CYP20A1: variants seen among roughly 807,000 people sequenced by gnomAD.
CYP20A1 encodes the protein cytochrome P450 family 20 subfamily A member 1.
Under a neutral mutation model 61.4 loss-of-function variants are expected in CYP20A1, and 61 were observed. The ratio of observed to expected loss-of-function variants is 0.99; its 90% CI spans 0.81 to 1.23. The LOEUF (loss-of-function observed/expected upper bound fraction) is 1.23, where lower values mean the gene tolerates loss of function less well. Among genes scored for constraint, CYP20A1 ranks in the 50% most tolerant of loss-of-function variants. CYP20A1 has a pLI of 0.00. For missense variants in CYP20A1, 530 were observed against 542.4 expected, an observed-to-expected ratio of 0.98 and a Z score of 0.23; for synonymous variants, 193 against 188.2, an observed-to-expected ratio of 1.03 and a Z score of -0.21.
intron 5 of CYP20A1, among the ~76,000 whole-genome samples, chr2:203,269,821 G>T (rs2067490118): frequency 6.6e-6 from 1 of 152,062 alleles, no homozygotes. Context: ...TAGAGATGGG[G>T]TTTCACCATG....
chr2:203,292,215 T>C (rs1482223605), intron 10 of CYP20A1, 47 bp from the exon 11 acceptor site: 1 of 1,318,030 alleles, frequency 7.6e-7, no homozygotes, highest in East Asian at 2.3e-5. Flanking sequence ...CTAGGAGTCA[T>C]TTTATCTCTG....
rs11304494 is a variant in CYP20A1 at position 203,305,194 on chromosome 2, C to CTTTTTTTTTTTTTTTTTTTTTTTTTTTT, written c.*8311_*8312insTTTTTTTTTTTTTTTTTTTTTTTTTTTT. Among the ~76,000 whole-genome samples, 2 of 56,896 alleles carry CTTTTTTTTTTTTTTTTTTTTTTTTTTTT rather than the reference C, an allele frequency of 3.5e-5. 1 individual carries two copies. 37.3% of individuals were successfully genotyped at this position (56,896 alleles called of 152,430 possible). ...AATTGGTTTACAGTTCGGTGGCTGT[C>CTTTTTTTTTTTTTTTTTTTTTTTTTTTT]TTTTTTTTTTTTTTTTTTTTTTTTT... On this transcript the variant is annotated 3_prime_UTR_variant, in exon 13 of 13. Coordinates refer to ENST00000356079, the MANE Select transcript of CYP20A1 (RefSeq NM_177538.3).
At position 203,305,092 on chromosome 2, in the gene CYP20A1, G is replaced by A. The variant is rs1422324015; in HGVS notation, c.*8184G>A. 3.3e-5 allele frequency among the ~76,000 whole-genome samples: 5 copies of A among 151,270 alleles called. No individual in the cohort carries two copies. The highest frequency in any genetic ancestry group is 7.3e-5 in the African/African-American group (3 of 41,152). ...CTAAATGGATAATTGTAAAGTTTGA[G>A]TTGGGACCCATTTTTTAAGACATTC... is the stretch of plus-strand genomic sequence containing the variant. On this transcript the variant is annotated 3_prime_UTR_variant, in exon 13 of 13. Coordinates refer to ENST00000356079, the MANE Select transcript of CYP20A1 (RefSeq NM_177538.3).
At chr2:203,292,911 C>G (rs937022083) in intron 11 of CYP20A1, among the ~76,000 whole-genome samples, 2 of 152,102 alleles carry the variant, frequency 1.3e-5, no homozygotes, top group African/African-American at 4.8e-5. Context: ...CACCGTGGCT[C>G]ATGCCTGTAA....
chr2:203,257,365 T>C (rs1429674453), intron 4 of CYP20A1, among the ~76,000 whole-genome samples: 1 of 152,130 alleles, frequency 6.6e-6, no homozygotes, highest in Non-Finnish European at 1.5e-5. Flanking sequence ...TTTATTTTCC[T>C]TTCCCTCTTC....
chr2:203,239,619 C>G lies in CYP20A1; in HGVS notation c.72+485C>G, dbSNP rs182317797. Among the ~76,000 whole-genome samples, 195 of 152,294 alleles carry G rather than the reference C, an allele frequency of 1.3e-3. 1 individual carries two copies. Among genetic ancestry groups the G allele is most frequent in the Non-Finnish European group, 1.1e-3 (76 of 68,026 alleles). ...CCATCTGTCCATCGATCTATCCTGACTGGAATCCAAAGTGCTCGAGGTCCA... is the reference window on the plus strand; with the variant it reads ...CCATCTGTCCATCGATCTATCCTGAGTGGAATCCAAAGTGCTCGAGGTCCA... On this transcript the variant is annotated intron_variant, in intron 1 of 12. Transcript: ENST00000356079.
At chr2:203,278,960 G>T (rs774265027) in intron 7 of CYP20A1, among the ~76,000 whole-genome samples, 94 of 152,062 alleles carry the variant, frequency 6.2e-4, no homozygotes, top group Non-Finnish European at 8.8e-4. Flanking sequence ...GTTTTTTTGG[G>T]TTTTTTGTTG....
intron 5 of CYP20A1, 72 bp from the exon 6 acceptor site, chr2:203,272,598 G>A: frequency 1.3e-6 from 1 of 751,690 alleles, no homozygotes; most frequent in Non-Finnish European, 2.0e-6. Context: ...AAGTCATTAG[G>A]TTACATTGCT....
At chr2:203,239,956 T>C (rs1428490966) in intron 1 of CYP20A1, among the ~76,000 whole-genome samples, 3 of 152,082 alleles carry the variant, frequency 2.0e-5, no homozygotes, top group African/African-American at 7.2e-5. Flanking sequence ...ATTAGCTGGC[T>C]GTGGTGGCGG....
intron 6 of CYP20A1, among the ~76,000 whole-genome samples, chr2:203,277,626 CT>C (rs2067878695): frequency 6.6e-6 from 1 of 151,998 alleles, no homozygotes; most frequent in South Asian, 2.1e-4. Flanking sequence ...AGCGATTCTC[CT>C]GCCTCAGCCT....
rs934629448 is a variant in CYP20A1, at chr2:203,301,254, TTTC to T, written c.*4349_*4351del. The stretch of plus-strand genomic sequence containing the variant: ...TTTTCTTTTTCTTTTCTTTCTTTCT[TTTC>T]TTTTCTTTTTTTTTTTTGAGGCACA... On this transcript the variant is annotated 3_prime_UTR_variant, in exon 13 of 13. Coordinates refer to ENST00000356079, the MANE Select transcript of CYP20A1 (RefSeq NM_177538.3). Among the ~76,000 whole-genome samples, 3 of 150,886 alleles carry T rather than the reference TTTC, an allele frequency of 2.0e-5. No individual in the cohort carries two copies. Among genetic ancestry groups the T allele is most frequent in the Admixed American group, 6.6e-5 (1 of 15,134 alleles).
intron 9 of CYP20A1, among the ~76,000 whole-genome samples, chr2:203,287,787 T>TC (rs2068346649): frequency 1.3e-5 from 2 of 152,160 alleles, no homozygotes; most frequent in Non-Finnish European, 2.9e-5. Flanking sequence ...CCTTGTGTAC[T>TC]CCCACCTTAT....
At chr2:203,260,078 C>A (rs1461933819) in intron 4 of CYP20A1, among the ~76,000 whole-genome samples, 2 of 151,392 alleles carry the variant, frequency 1.3e-5, no homozygotes, top group Non-Finnish European at 2.9e-5. Context: ...AGGCACCGAC[C>A]ACCATGCCCA....
chr2:203,295,187 C>T (rs951692499), intron 11 of CYP20A1, among the ~76,000 whole-genome samples: 39 of 151,376 alleles, frequency 2.6e-4, no homozygotes, highest in African/African-American at 8.2e-4. Context: ...CTTCGTGATC[C>T]GCCTGCCTCG....
intron 8 of CYP20A1, among the ~76,000 whole-genome samples, chr2:203,284,736 G>GC (rs1491065395): frequency 7.8e-5 from 10 of 128,806 alleles, no homozygotes; most frequent in African/African-American, 3.2e-4. Flanking sequence ...GAGAACCACT[G>GC]CTTTTTTTTT....
chr2:203,266,619 G>A lies in CYP20A1; in HGVS notation c.538G>A (p.Val180Ile). 1 of 1,613,976 alleles carries A rather than the reference G, an allele frequency of 6.2e-7. No homozygotes were observed. The highest frequency in any genetic ancestry group is 1.1e-5 in the South Asian group (1 of 91,072). Residue 180 changes from valine to isoleucine, a missense_variant, in exon 5 of 13, where the codon GTA becomes ATA. Val to Ile is a conservative substitution (Grantham distance 29). Coordinates refer to ENST00000356079, the MANE Select transcript of CYP20A1 (RefSeq NM_177538.3). ...GFAMKSVTQM[V>I]MGSTFEDDQE... is the part of the protein sequence containing the mutation. ...TGCTATGAAGTCTGTTACACAGATGGTAATGGGTAGTACATTTGAAGATGA... is the reference window on the plus strand; with the variant it reads ...TGCTATGAAGTCTGTTACACAGATGATAATGGGTAGTACATTTGAAGATGA...
At chr2:203,265,186 A>C (rs2067276823) in intron 4 of CYP20A1, among the ~76,000 whole-genome samples, 1 of 152,158 alleles carries the variant, frequency 6.6e-6, no homozygotes, top group South Asian at 2.1e-4. Flanking sequence ...TATTTATTGT[A>C]GAGGGCTATC....
At chr2:203,257,975 C>G (rs1377582605) in intron 4 of CYP20A1, among the ~76,000 whole-genome samples, 4 of 152,302 alleles carry the variant, frequency 2.6e-5, no homozygotes, top group East Asian at 1.9e-4. Flanking sequence ...AATTATAGCT[C>G]ACTGGAGCAT....
chr2:203,294,170 T>G (rs1449225726), intron 11 of CYP20A1, among the ~76,000 whole-genome samples: 1 of 151,272 alleles, frequency 6.6e-6, no homozygotes, highest in Non-Finnish European at 1.5e-5. Context: ...AATTTTTAAT[T>G]TATTTTTATT....
Sources: allele counts gnomAD v4.1 joint callset (sites outside exome capture counted in the v4.1 genomes callset), GRCh38; gene constraint gnomAD v4.1.1; transcripts MANE v1.5; gene names NCBI Gene and HGNC (gene_info 2026-07-23, HGNC 2026-07-21).